The following CDC20B variants were observed in gnomAD, a reference collection of about 807,000 sequenced individuals.
The protein encoded by CDC20B is cell division cycle 20B, also known as cell division cycle protein 20 homolog B.
A neutral mutation model predicts 64.1 loss-of-function variants in CDC20B; 58 were observed. That is an observed-to-expected ratio of 0.90 (90% CI 0.73 to 1.13). The LOEUF (loss-of-function observed/expected upper bound fraction) is 1.13, where lower values mean the gene tolerates loss of function less well. CDC20B is among the 50% of genes most tolerant of loss of function. The pLI, the probability that CDC20B is intolerant of heterozygous loss-of-function variation, is 0.00. For synonymous variants in CDC20B, 243 were observed against 230.6 expected, an observed-to-expected ratio of 1.05 and a Z score of -0.49; for missense variants, 597 against 633.0, an observed-to-expected ratio of 0.94 and a Z score of 0.61.
chr5:55,122,459 C>T (rs938378722), intron 9 of CDC20B, among the ~76,000 whole-genome samples: 7 of 151,890 alleles, frequency 4.6e-5, no homozygotes, highest in African/African-American at 9.7e-5. Flanking sequence ...AAAGATTCTG[C>T]GGCAGATTGT....
In CDC20B at chr5:55,114,235, C is replaced by T. The variant is rs750368816; in HGVS notation, c.1543G>A (p.Val515Ile). 6 of 1,613,612 alleles carry T rather than the reference C, an allele frequency of 3.7e-6. No homozygotes were observed. In the Admixed American group the frequency reaches 5.0e-5, roughly 13 times the overall value. The change falls in exon 12 of 12, where the codon GTA (valine) becomes ATA (isoleucine). Residue 515 changes from valine (V) to isoleucine (I), a missense_variant. This residue lies in a region of CDC20B where 353 missense variants were observed against 397.0 expected (regional missense o/e 0.89). Coordinates refer to ENST00000381375, the MANE Select transcript of CDC20B (RefSeq NM_001170402.1). The surrounding 1 kb of genome is among the most constrained non-coding windows in gnomAD (Gnocchi z 4.1). Reference sequence around the variant, plus strand: ...GCTGGGTGCTAGTAGCAATTCCATACAGAGGCCGTCCCATCAGCTGCAGCA... The same window carrying T: ...GCTGGGTGCTAGTAGCAATTCCATATAGAGGCCGTCCCATCAGCTGCAGCA... ...FSAAADGTAS[V>I]WNCY
At position 55,128,527 on chromosome 5, in the gene CDC20B, C is replaced by G. The variant is rs1156541632; in HGVS notation, c.788G>C (p.Gly263Ala). Residue 263 changes from glycine (G) to alanine (A), a missense_variant, in exon 7 of 12, where the codon GGG becomes GCG. This residue lies in a region of CDC20B where 353 missense variants were observed against 397.0 expected (regional missense o/e 0.89). Transcript: ENST00000381375. ...GAGACTTAAGTCTATGTTTTCAATC[C>G]CATTGTGGTTCTCCCCATTCCAGAT... The part of the protein sequence containing the change: ...VYIWNGENHN[G>A]IENIDLSLTC... 1 of 1,611,270 alleles carries G rather than the reference C, an allele frequency of 6.2e-7. No individual in the cohort carries two copies. Among genetic ancestry groups the G allele is most frequent in the East Asian group, 2.2e-5 (1 of 44,738 alleles).
intron 8 of CDC20B, among the ~76,000 whole-genome samples, chr5:55,125,491 T>C (rs556882525): frequency 6.9e-4 from 105 of 152,378 alleles, no homozygotes; most frequent in Middle Eastern, 3.4e-3. Flanking sequence ...GGTAGAGTCC[T>C]ATTAACCTAT....
Position 55,122,285 on chromosome 5 carries a change from T to C in CDC20B, c.1216-1735A>G, listed in dbSNP as rs559798864. Among the ~76,000 whole-genome samples, 462 of 152,146 alleles carry C rather than the reference T, an allele frequency of 3.0e-3. 4 individuals carry two copies. The highest frequency in any genetic ancestry group is 0.01 in the African/African-American group (429 of 41,498). On this transcript the variant is annotated intron_variant, in intron 9 of 11. Transcript: ENST00000381375. The stretch of plus-strand genomic sequence containing the variant: ...GGAAGTCTTTTCTCTTTTTTTTTTT[T>C]TTAAGACACAGTCTCACTCTGTTGC...
intron 2 of CDC20B, among the ~76,000 whole-genome samples, chr5:55,148,663 A>T (rs954298929): frequency 6.6e-6 from 1 of 152,220 alleles, no homozygotes; most frequent in African/African-American, 2.4e-5. Flanking sequence ...GCGCTGCTGC[A>T]CTCCAGCCTG....
intron 2 of CDC20B, among the ~76,000 whole-genome samples, chr5:55,171,072 G>C (rs1744580990): frequency 6.6e-6 from 1 of 152,186 alleles, no homozygotes; most frequent in South Asian, 2.1e-4. Flanking sequence ...CCAGCACTTT[G>C]GGAGGCCAAG....
In CDC20B at chr5:55,113,025, T is replaced by C. The variant is rs1742544052; in HGVS notation, c.*1193A>G. The C allele has an allele frequency of 2.0e-5, 3 of 152,160 alleles. No homozygotes were observed. In the South Asian group the frequency reaches 6.2e-4, roughly 32 times the overall value. The allele number at this position is 152,160 out of a possible 1,614,324, so 9.4% of individuals were successfully genotyped here. ...GCTATAATAGTATAATAATACCAAATAGATGATACAGGCTAATGCCAAGAA... is the reference window on the plus strand; with the variant it reads ...GCTATAATAGTATAATAATACCAAACAGATGATACAGGCTAATGCCAAGAA... On this transcript the variant is annotated 3_prime_UTR_variant, in exon 12 of 12. Coordinates refer to ENST00000381375, the MANE Select transcript of CDC20B (RefSeq NM_001170402.1).
intron 8 of CDC20B, among the ~76,000 whole-genome samples, chr5:55,126,056 G>A (rs892546825): frequency 3.9e-5 from 6 of 152,134 alleles, no homozygotes; most frequent in Non-Finnish European, 5.9e-5. Context: ...CATTTTCCTC[G>A]TGGATAATGA....
chr5:55,114,105 A>C lies in CDC20B; in HGVS notation c.*113T>G. On this transcript the variant is annotated 3_prime_UTR_variant, in exon 12 of 12. Coordinates refer to ENST00000381375, the MANE Select transcript of CDC20B (RefSeq NM_001170402.1). This position sits in a 1 kb window ranked among gnomAD's most constrained non-coding sequence, Gnocchi z 4.1. The stretch of plus-strand genomic sequence containing the variant: ...GAACAGGAGAACAGGCATTCACATC[A>C]AGAAGAGTATTTCAACTTGTTTGAT... The C allele has an allele frequency of 6.9e-7, 1 of 1,443,012 alleles. No individual in the cohort carries two copies. The highest frequency in any genetic ancestry group is 9.2e-7 in the Non-Finnish European group (1 of 1,091,008). 89.4% of individuals were successfully genotyped at this position (1,443,012 alleles called of 1,614,324 possible). A position where few individuals can be genotyped will look rare whatever the true frequency, so the allele number is the denominator to read the frequency against.
chr5:55,160,037 C>G, intron 2 of CDC20B: 1 of 599,678 alleles, frequency 1.7e-6, no homozygotes, highest in Non-Finnish European at 3.0e-6. Flanking sequence ...TCAGGAGTTT[C>G]GCTTCATTTC....
intron 5 of CDC20B, chr5:55,135,952 T>A (rs985582365): frequency 2.0e-5 from 3 of 149,088 alleles, no homozygotes; most frequent in East Asian, 2.0e-4. Context: ...AAAAAAATAT[T>A]TTTTTTTTTG....
chr5:55,160,728 T>A, intron 2 of CDC20B: 1 of 467,196 alleles, frequency 2.1e-6, no homozygotes. Flanking sequence ...TAAAAAGAAC[T>A]TATCAAGGAT....
chr5:55,117,301 TA>T (rs375620575), intron 11 of CDC20B, among the ~76,000 whole-genome samples: 9 of 152,290 alleles, frequency 5.9e-5, no homozygotes, highest in African/African-American at 2.2e-4. Flanking sequence ...TACGGCTTAG[TA>T]AAGGTGTGAC....
At chr5:55,119,301 G>T (rs1561284694) in intron 11 of CDC20B, among the ~76,000 whole-genome samples, 2 of 152,096 alleles carry the variant, frequency 1.3e-5, no homozygotes, top group Non-Finnish European at 2.9e-5. Flanking sequence ...CCTGGGTCTT[G>T]CTCCCCATCA....
intron 5 of CDC20B, among the ~76,000 whole-genome samples, chr5:55,138,954 A>G (rs373745432): frequency 0.019 from 2,003 of 104,656 alleles, 46 homozygotes; most frequent in African/African-American, 0.05. Flanking sequence ...AAATGACAAT[A>G]AAAAAAATAT....
At chr5:55,124,047 A>C (rs1357758409) in intron 9 of CDC20B, among the ~76,000 whole-genome samples, 2 of 152,244 alleles carry the variant, frequency 1.3e-5, no homozygotes, top group African/African-American at 4.8e-5. Context: ...CGTTGAGGTC[A>C]AGACACATCT....
rs1317933854 is a variant in CDC20B at position 55,128,570 on chromosome 5, G to A, written c.745C>T (p.Leu249=). ...TTCCAGATGTATACAGCAGAGCCCA[G>A]GGCTATGGCAACAAGATTCTGAAAA... is the stretch of plus-strand genomic sequence containing the variant. ...WSFQNLVAIA[L]GSAVYIWNGE... Residue 249 remains leucine, a synonymous_variant, in exon 7 of 12, where the codon CTG becomes TTG. Coordinates refer to ENST00000381375, the MANE Select transcript of CDC20B (RefSeq NM_001170402.1). 1 of 1,580,374 alleles carries A rather than the reference G, an allele frequency of 6.3e-7. No individual in the cohort carries two copies.
At chr5:55,155,873 C>T (rs956919015) in intron 2 of CDC20B, among the ~76,000 whole-genome samples, 1 of 152,158 alleles carries the variant, frequency 6.6e-6, no homozygotes, top group Admixed American at 6.5e-5. Context: ...CACAGAAAAG[C>T]CTTTTGGTGG....
intron 2 of CDC20B, among the ~76,000 whole-genome samples, chr5:55,171,277 C>G (rs1744590352): frequency 6.6e-6 from 1 of 152,174 alleles, no homozygotes; most frequent in Non-Finnish European, 1.5e-5. Flanking sequence ...TGCACCACTG[C>G]ACTCCAACCT....
Sources: gnomAD v4.1 joint callset for allele counts (sites outside exome capture counted in the v4.1 genomes callset) on GRCh38, gnomAD v4.1.1 for gene constraint, gnomAD v4.1.1 regional missense constraint, Gnocchi (gnomAD v3.1) non-coding constraint, MANE v1.5 for transcripts, NCBI Gene and HGNC (gene_info 2026-07-23, HGNC 2026-07-21) for gene names.